Variants in TRIM9 observed in about 807,000 individuals in gnomAD.
TRIM9 encodes the protein tripartite motif containing 9.
TRIM9 carries 26 observed loss-of-function variants against 78.3 expected under a neutral mutation model. That is an observed-to-expected ratio of 0.33 (90% CI 0.24 to 0.46). The LOEUF (loss-of-function observed/expected upper bound fraction) is 0.46. Among genes scored for constraint, TRIM9 ranks in the 20% least tolerant of loss-of-function variants. The pLI is 1.00. For missense variants in TRIM9, 787 were observed against 1,036.4 expected (o/e 0.76, Z 3.30); for synonymous variants, 398 against 416.5 (o/e 0.96, Z 0.54).
chr14:51,032,213 C>A (rs1019498425), intron 1 of TRIM9, among the ~76,000 whole-genome samples: 30 of 152,288 alleles, frequency 2.0e-4, no homozygotes, highest in African/African-American at 7.0e-4. Flanking sequence ...GCAATGGGGA[C>A]CAACATGGCA....
rs17123388 is a variant in TRIM9, at chr14:50,999,748, C to T, written c.1464+935G>A. 3.0e-3 allele frequency among the ~76,000 whole-genome samples: 455 copies of T among 152,260 alleles called. 5 individuals carry two copies. The South Asian group carries it at 0.034, about 12-fold the overall frequency. On this transcript the variant is annotated intron_variant, in intron 6 of 12. Coordinates refer to ENST00000684578, the MANE Select transcript of TRIM9 (RefSeq NM_001387360.1). The stretch of plus-strand genomic sequence containing the variant: ...CAGGAACTGGCCTCAGTCCCCAGAA[C>T]GGCTGCTCCCTTAGGAAGCTCCAAG...
At chr14:51,001,058 T>C (rs1360193059) in intron 5 of TRIM9, among the ~76,000 whole-genome samples, 1 of 152,090 alleles carries the variant, frequency 6.6e-6, no homozygotes, top group African/African-American at 2.4e-5. Flanking sequence ...CCTTCCCACC[T>C]TCATTGTGGC....
intron 3 of TRIM9, among the ~76,000 whole-genome samples, chr14:51,011,874 C>T (rs1238007484): frequency 6.6e-6 from 1 of 152,182 alleles, no homozygotes; most frequent in Non-Finnish European, 1.5e-5. Flanking sequence ...TTTCCCCCAA[C>T]TTAATACTGT....
intron 7 of TRIM9, among the ~76,000 whole-genome samples, chr14:50,994,642 T>C (rs781162206): frequency 3.9e-5 from 6 of 152,208 alleles, no homozygotes; most frequent in Admixed American, 1.3e-4. Context: ...TATGATTTTT[T>C]AAAACAGGAG....
chr14:51,083,706 G>A (rs1272042010), intron 1 of TRIM9, among the ~76,000 whole-genome samples: 1 of 152,200 alleles, frequency 6.6e-6, no homozygotes, highest in Non-Finnish European at 1.5e-5. Context: ...CTGAATGTGA[G>A]GGAGTTGAGA....
chr14:51,070,417 GTA>G (rs1458672438), intron 1 of TRIM9, among the ~76,000 whole-genome samples: 1 of 152,032 alleles, frequency 6.6e-6, no homozygotes, highest in African/African-American at 2.4e-5. Flanking sequence ...GCAATATTCA[GTA>G]TTCATTAATT....
rs541063982 is a variant in TRIM9, at chr14:50,983,463, C to G, written c.1793-42G>C. 28 of 1,482,798 alleles carry G rather than the reference C, an allele frequency of 1.9e-5. No individual in the cohort carries two copies. The Middle Eastern group carries it at 5.1e-4, about 27-fold the overall frequency. The allele number at this position is 1,482,798 out of a possible 1,614,324, so 91.9% of individuals were successfully genotyped here. On this transcript the variant is annotated intron_variant, in intron 8 of 12. Coordinates refer to ENST00000684578, the MANE Select transcript of TRIM9 (RefSeq NM_001387360.1). ...CACATCAACGCTATGAAACAACAACCAGGTTGATAAAAATTACTTGTATAC... is the reference window on the plus strand; with the variant it reads ...CACATCAACGCTATGAAACAACAACGAGGTTGATAAAAATTACTTGTATAC...
At chr14:51,073,801 T>C (rs1476322734) in intron 1 of TRIM9, among the ~76,000 whole-genome samples, 1 of 152,236 alleles carries the variant, frequency 6.6e-6, no homozygotes, top group Non-Finnish European at 1.5e-5. Flanking sequence ...TTCTGTAACA[T>C]ATCTTTTTTG....
chr14:51,032,662 A>G (rs976459126), intron 1 of TRIM9, among the ~76,000 whole-genome samples: 3 of 152,190 alleles, frequency 2.0e-5, no homozygotes, highest in Admixed American at 6.5e-5. Context: ...ACAACTAACT[A>G]TCTCTCAGAG....
chr14:50,997,011 C>T (rs1437990503), intron 7 of TRIM9: 3 of 985,258 alleles, frequency 3.0e-6, no homozygotes, highest in Non-Finnish European at 2.4e-6. Flanking sequence ...AAAAAAAACA[C>T]CACCATAGTT....
intron 5 of TRIM9, among the ~76,000 whole-genome samples, chr14:51,008,364 T>A (rs1029019633): frequency 2.0e-5 from 3 of 152,250 alleles, no homozygotes; most frequent in African/African-American, 7.2e-5. Flanking sequence ...ACAAAACTTC[T>A]TACTATTTTT....
intron 1 of TRIM9, among the ~76,000 whole-genome samples, chr14:51,045,970 C>T (rs1344413146): frequency 6.6e-6 from 1 of 152,016 alleles, no homozygotes. Flanking sequence ...ACCCAAACAG[C>T]AGTTACAACA....
chr14:51,067,016 C>G (rs1197003347), intron 1 of TRIM9, among the ~76,000 whole-genome samples: 1 of 152,196 alleles, frequency 6.6e-6, no homozygotes, highest in African/African-American at 2.4e-5. Context: ...CTGATGACTT[C>G]TAAATTTATC....
chr14:51,083,342 C>G (rs1197896528), intron 1 of TRIM9, among the ~76,000 whole-genome samples: 3 of 152,098 alleles, frequency 2.0e-5, no homozygotes, highest in African/African-American at 7.2e-5. Context: ...ATCTCGAACT[C>G]CTGGGCTCAA....
intron 2 of TRIM9, among the ~76,000 whole-genome samples, chr14:51,023,283 T>C (rs1407782801): frequency 6.6e-6 from 1 of 152,176 alleles, no homozygotes; most frequent in Non-Finnish European, 1.5e-5. Flanking sequence ...TGTTCAGCTA[T>C]GTATGGTGGA....
At chr14:51,035,631 A>T (rs1566601448) in intron 1 of TRIM9, among the ~76,000 whole-genome samples, 1 of 152,254 alleles carries the variant, frequency 6.6e-6, no homozygotes, top group Non-Finnish European at 1.5e-5. Flanking sequence ...ACCCGGAAGA[A>T]CATGGTGGCC....
intron 1 of TRIM9, among the ~76,000 whole-genome samples, chr14:51,052,814 C>T (rs998759305): frequency 6.6e-6 from 1 of 152,170 alleles, no homozygotes; most frequent in African/African-American, 2.4e-5. Flanking sequence ...CCTCACTTTA[C>T]TGGTGCACTA....
intron 1 of TRIM9, among the ~76,000 whole-genome samples, chr14:51,036,782 C>T (rs1025182895): frequency 6.6e-6 from 1 of 152,108 alleles, no homozygotes; most frequent in Non-Finnish European, 1.5e-5. Context: ...GGTATAACTG[C>T]CCATCATTTA....
intron 1 of TRIM9, among the ~76,000 whole-genome samples, chr14:51,048,293 C>A (rs1181735994): frequency 1.3e-5 from 2 of 152,192 alleles, no homozygotes; most frequent in Non-Finnish European, 2.9e-5. Flanking sequence ...TAGCTCTGTT[C>A]CTGAGATCAG....
Sources: gnomAD v4.1 joint callset for allele counts (sites outside exome capture counted in the v4.1 genomes callset) on GRCh38, gnomAD v4.1.1 for gene constraint, MANE v1.5 for transcripts, NCBI Gene and HGNC (gene_info 2026-07-23, HGNC 2026-07-21) for gene names.